Variants in TMEM178B observed in about 807,000 individuals in gnomAD.
TMEM178B encodes transmembrane protein 178B.
TMEM178B carries 5 observed loss-of-function variants against 31.0 expected under a neutral mutation model. That is an observed-to-expected ratio of 0.16 (90% CI 0.08 to 0.34). The LOEUF is 0.34. TMEM178B is among the 10% of genes least tolerant of loss of function. TMEM178B has a pLI of 1.00. For synonymous variants in TMEM178B, 164 were observed against 164.0 expected (o/e 1.00, Z 0.00); for missense variants, 275 against 400.3 (o/e 0.69, Z 2.67).
chr7:141,449,678 G>A (rs1020793506), intron 3 of TMEM178B, among the ~76,000 whole-genome samples: 7 of 152,176 alleles, frequency 4.6e-5, no homozygotes, highest in African/African-American at 1.7e-4. Flanking sequence ...GGGTACCAGA[G>A]ACTCGGAGAA....
At chr7:141,173,662 G>A (rs1796382229) in intron 1 of TMEM178B, among the ~76,000 whole-genome samples, 1 of 152,166 alleles carries the variant, frequency 6.6e-6, no homozygotes, top group Non-Finnish European at 1.5e-5. Flanking sequence ...CAATCATAAT[G>A]TTTGTCTGAA....
chr7:141,246,666 T>A (rs186795706), intron 2 of TMEM178B, among the ~76,000 whole-genome samples: 5 of 151,496 alleles, frequency 3.3e-5, no homozygotes, highest in African/African-American at 9.7e-5. Context: ...TGGAAAAGAG[T>A]GTGTGCAGGT....
intron 2 of TMEM178B, chr7:141,429,852 T>A (rs752710150): frequency 6.6e-6 from 1 of 152,186 alleles, no homozygotes; most frequent in Non-Finnish European, 1.5e-5. Context: ...AATATATAAT[T>A]ACATTATGAT....
At chr7:141,229,013 CTTTTT>C (rs3035763) in intron 2 of TMEM178B, among the ~76,000 whole-genome samples, 19 of 80,570 alleles carry the variant, frequency 2.4e-4, no homozygotes, top group South Asian at 1.1e-3. Flanking sequence ...TCAGTACTAT[CTTTTT>C]TTTTTTTTTT....
chr7:141,449,535 G>A (rs574026929), intron 3 of TMEM178B, among the ~76,000 whole-genome samples: 1 of 152,302 alleles, frequency 6.6e-6, no homozygotes, highest in East Asian at 1.9e-4. Flanking sequence ...GGATGGAATC[G>A]AAGCCACCGG....
At chr7:141,483,525 T>G (rs1027338247), downstream of TMEM178B, among the ~76,000 whole-genome samples, 2 of 152,110 alleles carry the variant, frequency 1.3e-5, no homozygotes, top group African/African-American at 4.8e-5. Context: ...TCCTTCCCCA[T>G]ATAAATTGTG....
Position 141,083,083 on chromosome 7 carries a change from A to G in TMEM178B, c.382+8391A>G, listed in dbSNP as rs375741634. On this transcript the variant is annotated intron_variant, in intron 1 of 3. Coordinates refer to ENST00000565468, the MANE Select transcript of TMEM178B (RefSeq NM_001195278.2). ...AAACACACTTGGGTTAGTTTGACCC[A>G]TCATACACAGACACGCACACCTCCC... 2.6e-5 allele frequency among the ~76,000 whole-genome samples: 4 copies of G among 152,208 alleles called. No individual in the cohort carries two copies. The East Asian group carries it at 5.8e-4, about 22-fold the overall frequency.
At chr7:141,384,827 T>G (rs1800400903) in intron 2 of TMEM178B, among the ~76,000 whole-genome samples, 1 of 152,174 alleles carries the variant, frequency 6.6e-6, no homozygotes, top group Non-Finnish European at 1.5e-5. Flanking sequence ...TCTTTCTATA[T>G]TGTATTGAAA....
chr7:141,382,207 C>A (rs1429240427), intron 2 of TMEM178B, among the ~76,000 whole-genome samples: 1 of 152,160 alleles, frequency 6.6e-6, no homozygotes, highest in East Asian at 1.9e-4. Flanking sequence ...TACAAAAGCC[C>A]AAAGATGTCC....
At chr7:141,192,463 A>G (rs892593830) in intron 1 of TMEM178B, among the ~76,000 whole-genome samples, 16 of 148,972 alleles carry the variant, frequency 1.1e-4, no homozygotes, top group Middle Eastern at 3.5e-3. Context: ...AGAGATGGGA[A>G]GGAATGGGGA....
chr7:141,151,471 C>T (rs1195172606), intron 1 of TMEM178B, among the ~76,000 whole-genome samples: 2 of 152,044 alleles, frequency 1.3e-5, no homozygotes, highest in Admixed American at 1.3e-4. Flanking sequence ...TTCTTTCCAC[C>T]AGGTTGCCTA....
At chr7:141,326,714 A>G (rs1799196414) in intron 2 of TMEM178B, among the ~76,000 whole-genome samples, 1 of 152,204 alleles carries the variant, frequency 6.6e-6, no homozygotes, top group Non-Finnish European at 1.5e-5. Context: ...GTTATGACAG[A>G]GATGGTTTGG....
At chr7:141,077,641 G>A (rs972188476) in intron 1 of TMEM178B, among the ~76,000 whole-genome samples, 2 of 152,130 alleles carry the variant, frequency 1.3e-5, no homozygotes, top group African/African-American at 4.8e-5. Context: ...GTTCCTAGAG[G>A]TCAGGAAAGA....
chr7:141,144,496 G>T (rs1795821109), intron 1 of TMEM178B, among the ~76,000 whole-genome samples: 1 of 152,192 alleles, frequency 6.6e-6, no homozygotes, highest in East Asian at 1.9e-4. Flanking sequence ...TTGGAACAAA[G>T]CTAGAGATGT....
chr7:141,308,773 G>A (rs1249613163), intron 2 of TMEM178B, among the ~76,000 whole-genome samples: 4 of 152,298 alleles, frequency 2.6e-5, no homozygotes, highest in African/African-American at 7.2e-5. Context: ...AAGAGGCTGT[G>A]CAACCTGCCC....
intron 2 of TMEM178B, among the ~76,000 whole-genome samples, chr7:141,248,071 G>T (rs10259253): frequency 0.48 from 72,349 of 151,052 alleles, 17,707 homozygotes; most frequent in East Asian, 0.8. Flanking sequence ...AAAGCATTCT[G>T]CAAGTTGTTT....
At chr7:141,151,943 G>A (rs1481818444) in intron 1 of TMEM178B, among the ~76,000 whole-genome samples, 1 of 152,170 alleles carries the variant, frequency 6.6e-6, no homozygotes, top group Non-Finnish European at 1.5e-5. Context: ...AGCCTGACAC[G>A]TGACGTCACA....
chr7:141,300,232 C>T (rs1798700776), intron 2 of TMEM178B, among the ~76,000 whole-genome samples: 1 of 152,220 alleles, frequency 6.6e-6, no homozygotes, highest in Non-Finnish European at 1.5e-5. Flanking sequence ...AATCCCATGA[C>T]CTCGGTGTCT....
At chr7:141,219,193 G>T (rs1050025706) in intron 2 of TMEM178B, among the ~76,000 whole-genome samples, 1 of 152,170 alleles carries the variant, frequency 6.6e-6, no homozygotes, top group African/African-American at 2.4e-5. Context: ...GGGAGGGGCT[G>T]CCTAGAGGTC....
Sources: allele counts gnomAD v4.1 joint callset (sites outside exome capture counted in the v4.1 genomes callset), GRCh38; gene constraint gnomAD v4.1.1; transcripts MANE v1.5; gene names NCBI Gene and HGNC (gene_info 2026-07-23, HGNC 2026-07-21).